Variants in CTNNA2 observed in about 807,000 individuals in gnomAD.
CTNNA2 encodes catenin alpha-2.
Under a neutral mutation model 101.0 loss-of-function variants are expected in CTNNA2, and 42 were observed. The observed-to-expected ratio is 0.42, with a 90% confidence interval of 0.32 to 0.54. The LOEUF (loss-of-function observed/expected upper bound fraction) is 0.54, where lower values mean the gene tolerates loss of function less well. CTNNA2 is among the 20% of genes least tolerant of loss of function. CTNNA2 has a pLI of 0.14. For synonymous variants in CTNNA2, 450 were observed against 456.4 expected (o/e 0.99, Z 0.18); for missense variants, 871 against 1,223.1 (o/e 0.71, Z 4.29).
chr2:80,357,361 A>T (rs1188940915), intron 7 of CTNNA2, among the ~76,000 whole-genome samples: 1 of 151,602 alleles, frequency 6.6e-6, no homozygotes, highest in African/African-American at 2.4e-5. Flanking sequence ...TGTTCTGTAG[A>T]TATAGTTCAG....
chr2:80,593,250 C>T (rs1217719590), intron 15 of CTNNA2, among the ~76,000 whole-genome samples: 14 of 152,102 alleles, frequency 9.2e-5, no homozygotes, highest in Admixed American at 9.2e-4. Context: ...GAGATACAAC[C>T]AACGTGGCCA....
At chr2:80,355,933 C>CTT (rs564774712) in intron 7 of CTNNA2, among the ~76,000 whole-genome samples, 1 of 151,704 alleles carries the variant, frequency 6.6e-6, no homozygotes, top group African/African-American at 2.4e-5. Flanking sequence ...TCACATTGTT[C>CTT]TTTTTTTTCT....
chr2:79,498,771 C>T (rs1006215803), intron 4 of CTNNA2, among the ~76,000 whole-genome samples: 2 of 152,156 alleles, frequency 1.3e-5, no homozygotes, highest in African/African-American at 2.4e-5. Context: ...TCTTGTCAAC[C>T]TTCCAGGTCT....
intron 9 of CTNNA2, among the ~76,000 whole-genome samples, chr2:80,489,588 T>C (rs1686875724): frequency 6.6e-6 from 1 of 152,192 alleles, no homozygotes; most frequent in African/African-American, 2.4e-5. Flanking sequence ...AAATTAATAC[T>C]TCACTTCTTG....
intron 7 of CTNNA2, among the ~76,000 whole-genome samples, chr2:80,213,764 A>G (rs1441734837): frequency 6.6e-6 from 1 of 152,034 alleles, no homozygotes; most frequent in African/African-American, 2.4e-5. Context: ...ATTCCTGGGT[A>G]TCCTTGTTAA....
chr2:80,127,889 C>T lies in CTNNA2; in HGVS notation c.1056+218092C>T, dbSNP rs1441594314. Among the ~76,000 whole-genome samples the T allele has an allele frequency of 4.6e-5, 7 of 152,078 alleles. No individual in the cohort carries two copies. In the East Asian group the frequency reaches 1.3e-3, roughly 29 times the overall value. ...GTACAGGGGGCAGCTATTCTTAGCT[C>T]AGTATGATCTCTGTGGGAGAGTTCT... On this transcript the variant is annotated intron_variant, in intron 7 of 18. Transcript: ENST00000402739.
chr2:80,333,724 C>A (rs1340112207), intron 7 of CTNNA2, among the ~76,000 whole-genome samples: 1 of 152,102 alleles, frequency 6.6e-6, no homozygotes, highest in Non-Finnish European at 1.5e-5. Context: ...CTCCTGGATT[C>A]AACAATTCTC....
At chr2:80,251,743 G>A (rs1671783889) in intron 7 of CTNNA2, among the ~76,000 whole-genome samples, 3 of 152,124 alleles carry the variant, frequency 2.0e-5, no homozygotes, top group Admixed American at 2.0e-4. Flanking sequence ...AGCAAAACCT[G>A]CTTTGGGCCC....
intron 7 of CTNNA2, among the ~76,000 whole-genome samples, chr2:80,362,037 G>A (rs1046852284): frequency 6.6e-6 from 1 of 152,076 alleles, no homozygotes; most frequent in Non-Finnish European, 1.5e-5. Flanking sequence ...TTGGTAATTA[G>A]GGTGACCATC....
chr2:80,202,915 T>A lies in CTNNA2; in HGVS notation c.1057-190296T>A, dbSNP rs143268977. On this transcript the variant is annotated intron_variant, in intron 7 of 18. Transcript: ENST00000402739. ...AGCAAGAGGTTTATGGACTTACAGTTCCACGTGACCGGGGAGGCCTAACAA... is the reference window on the plus strand; with the variant it reads ...AGCAAGAGGTTTATGGACTTACAGTACCACGTGACCGGGGAGGCCTAACAA... Among the ~76,000 whole-genome samples, 6 of 152,268 alleles carry A rather than the reference T, an allele frequency of 3.9e-5. No homozygotes were observed. The East Asian group carries it at 1.2e-3, about 29-fold the overall frequency.
At chr2:79,910,780 A>G (rs180904847) in intron 7 of CTNNA2, among the ~76,000 whole-genome samples, 133 of 152,298 alleles carry the variant, frequency 8.7e-4, no homozygotes, top group Non-Finnish European at 1.5e-3. Flanking sequence ...GCAGCCATTC[A>G]GTGTCTCTCC....
intron 9 of CTNNA2, among the ~76,000 whole-genome samples, chr2:80,522,556 G>T (rs1188624551): frequency 6.6e-6 from 1 of 152,124 alleles, no homozygotes; most frequent in Non-Finnish European, 1.5e-5. Flanking sequence ...CTATCCTGGA[G>T]ATTTTTGTCC....
At chr2:79,583,812 C>T (rs1350612624) in intron 1 of CTNNA2, among the ~76,000 whole-genome samples, 1 of 152,110 alleles carries the variant, frequency 6.6e-6, no homozygotes, top group African/African-American at 2.4e-5. Context: ...CCTTGCTTTT[C>T]GTAGACCTTT....
chr2:79,944,983 A>C (rs1688400669), intron 7 of CTNNA2, among the ~76,000 whole-genome samples: 1 of 152,148 alleles, frequency 6.6e-6, no homozygotes. Flanking sequence ...GAGAGTACTT[A>C]ATGTTTTCAT....
intron 2 of CTNNA2, among the ~76,000 whole-genome samples, chr2:79,713,934 C>T (rs1489652217): frequency 6.6e-6 from 1 of 152,174 alleles, no homozygotes; most frequent in Non-Finnish European, 1.5e-5. Flanking sequence ...GCCCTGCTCC[C>T]TTGCCTGAAT....
At chr2:79,951,296 A>G (rs1034071708) in intron 7 of CTNNA2, among the ~76,000 whole-genome samples, 14 of 152,206 alleles carry the variant, frequency 9.2e-5, no homozygotes, top group African/African-American at 3.4e-4. Context: ...CCAAAGATAA[A>G]GTGCTTCAGG....
chr2:79,481,081 C>A (rs1671104830), intron 4 of CTNNA2, among the ~76,000 whole-genome samples: 1 of 151,822 alleles, frequency 6.6e-6, no homozygotes, highest in South Asian at 2.1e-4. Context: ...AAAAATCACA[C>A]TAATTTTTCA....
chr2:79,363,791 A>G (rs1016525570), intron 3 of CTNNA2, among the ~76,000 whole-genome samples: 2 of 152,194 alleles, frequency 1.3e-5, no homozygotes, highest in African/African-American at 2.4e-5. Flanking sequence ...CAAACGAATT[A>G]TACAGCACAG....
At chr2:79,886,424 G>A (rs1683865743) in intron 6 of CTNNA2, among the ~76,000 whole-genome samples, 1 of 151,952 alleles carries the variant, frequency 6.6e-6, no homozygotes, top group Admixed American at 6.6e-5. Flanking sequence ...TGGGCTTCAT[G>A]CTGAAGGCCT....
Sources: gnomAD v4.1 joint callset for allele counts (sites outside exome capture counted in the v4.1 genomes callset) on GRCh38, gnomAD v4.1.1 for gene constraint, MANE v1.5 for transcripts, NCBI Gene and HGNC (gene_info 2026-07-23, HGNC 2026-07-21) for gene names.